The following SYT1 variants were observed in gnomAD, a reference collection of about 807,000 sequenced individuals.
SYT1 encodes synaptotagmin-1.
SYT1 carries 8 observed loss-of-function variants against 44.8 expected under a neutral mutation model. That is an observed-to-expected ratio of 0.18 (90% confidence interval 0.10 to 0.32). The LOEUF (loss-of-function observed/expected upper bound fraction) is 0.32, where lower values mean the gene tolerates loss of function less well. Among genes scored for constraint, SYT1 ranks in the 10% least tolerant of loss-of-function variants. The pLI, the probability that SYT1 is intolerant of heterozygous loss-of-function variation, is 1.00. For synonymous variants in SYT1, 154 were observed against 188.8 expected (o/e 0.82, Z 1.51); for missense variants, 286 against 509.3 (o/e 0.56, Z 4.22).
At chr12:78,999,830 A>G (rs1870616152) in intron 2 of SYT1, among the ~76,000 whole-genome samples, 1 of 152,176 alleles carries the variant, frequency 6.6e-6, no homozygotes, top group Non-Finnish European at 1.5e-5. Flanking sequence ...TAACTTCAAT[A>G]TGATGTGATT....
intron 4 of SYT1, among the ~76,000 whole-genome samples, chr12:79,274,305 G>C (rs1282741150): frequency 2.0e-5 from 3 of 152,140 alleles, no homozygotes; most frequent in Non-Finnish European, 2.9e-5. Context: ...TCCTGGGTCA[G>C]TTTTGTATTC....
chr12:79,043,029 G>A (rs1873714765), intron 2 of SYT1, among the ~76,000 whole-genome samples: 1 of 146,080 alleles, frequency 6.8e-6, no homozygotes, highest in Non-Finnish European at 1.5e-5. Flanking sequence ...ATTTGCTGAG[G>A]AGAGCTTTAC....
rs1376469582 is a variant in SYT1, at chr12:78,929,407, CCCAAAAAA to C, written c.-216-48391_-216-48384del. ...CCTGGGTGACAGAGAGAGACTCCGT[CCCAAAAAA>C]AAAAAAAAAAAAAAAAAAAAAAAAA... is the stretch of plus-strand genomic sequence containing the variant. On this transcript the variant is annotated intron_variant, in intron 1 of 10. Coordinates refer to ENST00000261205, the MANE Select transcript of SYT1 (RefSeq NM_005639.3). Among the ~76,000 whole-genome samples the C allele has an allele frequency of 6.7e-3, 99 of 14,668 alleles. 8 individuals carry two copies. The highest frequency in any genetic ancestry group is 9.1e-3 in the African/African-American group (65 of 7,152). 9.6% of individuals were successfully genotyped at this position (14,668 alleles called of 152,430 possible). A position where few individuals can be genotyped will look rare whatever the true frequency, so the allele number is the denominator to read the frequency against.
At chr12:79,423,449 A>G (rs1391014570) in intron 9 of SYT1, among the ~76,000 whole-genome samples, 3 of 152,144 alleles carry the variant, frequency 2.0e-5, no homozygotes, top group Non-Finnish European at 4.4e-5. Context: ...GTCTGCAAGT[A>G]TAAGACAGCT....
At chr12:78,930,400 A>G (rs1379682275) in intron 1 of SYT1, among the ~76,000 whole-genome samples, 1 of 152,050 alleles carries the variant, frequency 6.6e-6, no homozygotes, top group African/African-American at 2.4e-5. Flanking sequence ...TTTTCAATCA[A>G]AGTAAAATAG....
chr12:78,998,738 C>G (rs989340103), intron 2 of SYT1, among the ~76,000 whole-genome samples: 3 of 152,136 alleles, frequency 2.0e-5, no homozygotes, highest in African/African-American at 7.2e-5. Flanking sequence ...ACTTTCTCTG[C>G]AAACTTGGAG....
intron 3 of SYT1, among the ~76,000 whole-genome samples, chr12:79,071,697 C>T (rs1431006248): frequency 6.6e-6 from 1 of 152,110 alleles, no homozygotes. Flanking sequence ...GCCCCAGGCA[C>T]TTCTTAACTG....
At chr12:79,223,447 C>CTG (rs1875296426) in intron 4 of SYT1, among the ~76,000 whole-genome samples, 1 of 152,120 alleles carries the variant, frequency 6.6e-6, no homozygotes, top group Non-Finnish European at 1.5e-5. Flanking sequence ...GCAGCTGAAG[C>CTG]CAGTGCAGTG....
chr12:78,970,013 A>G (rs1373448943), intron 1 of SYT1, among the ~76,000 whole-genome samples: 1 of 152,186 alleles, frequency 6.6e-6, no homozygotes, highest in Admixed American at 6.6e-5. Flanking sequence ...TTTCAGATGA[A>G]GGGGAAGTAG....
chr12:79,308,960 T>A (rs1037948759), intron 8 of SYT1, among the ~76,000 whole-genome samples: 2 of 152,226 alleles, frequency 1.3e-5, no homozygotes, highest in African/African-American at 4.8e-5. Context: ...AGCTATTACA[T>A]GGCAAACCTA....
intron 3 of SYT1, among the ~76,000 whole-genome samples, chr12:79,124,266 A>T (rs1366178283): frequency 6.6e-6 from 1 of 152,166 alleles, no homozygotes; most frequent in Admixed American, 6.5e-5. Flanking sequence ...AACATGATGT[A>T]ATTGGAAGAA....
intron 1 of SYT1, among the ~76,000 whole-genome samples, chr12:78,947,948 A>G (rs116152217): frequency 7.2e-5 from 11 of 152,082 alleles, no homozygotes; most frequent in African/African-American, 2.6e-4. Context: ...GCCCACTAAC[A>G]TTCTAAAATA....
At chr12:79,285,172 T>G (rs1879247906) in intron 4 of SYT1, among the ~76,000 whole-genome samples, 1 of 152,194 alleles carries the variant, frequency 6.6e-6, no homozygotes, top group Non-Finnish European at 1.5e-5. Context: ...TAATTAACCT[T>G]CACTATTGTT....
chr12:78,920,987 T>C (rs1389813604), intron 1 of SYT1, among the ~76,000 whole-genome samples: 1 of 151,964 alleles, frequency 6.6e-6, no homozygotes, highest in Admixed American at 6.6e-5. Context: ...TTATCTATTT[T>C]CTTCTCTGCA....
chr12:78,950,339 C>T (rs1188729782), intron 1 of SYT1, among the ~76,000 whole-genome samples: 1 of 151,872 alleles, frequency 6.6e-6, no homozygotes. Flanking sequence ...CTTTTTAATA[C>T]AGTAATATAA....
Position 79,052,034 on chromosome 12 carries a change from C to A in SYT1, c.-18+4672C>A, listed in dbSNP as rs1013193499. Among the ~76,000 whole-genome samples, 4 of 152,086 alleles carry A rather than the reference C, an allele frequency of 2.6e-5. No individual in the cohort carries two copies. The Middle Eastern group carries it at 0.01, about 388-fold the overall frequency. On this transcript the variant is annotated intron_variant, in intron 3 of 10. Coordinates refer to ENST00000261205, the MANE Select transcript of SYT1 (RefSeq NM_005639.3). ...AGGCTCTTTTTTGGTTCCATATGAA[C>A]TTTAAAATAGTTTTTTCCAATTCTG...
intron 3 of SYT1, among the ~76,000 whole-genome samples, chr12:79,106,519 C>G (rs1054871170): frequency 2.8e-5 from 4 of 143,260 alleles, no homozygotes; most frequent in Admixed American, 7.0e-5. Flanking sequence ...TTTTTTTGCT[C>G]ATAATGAAAA....
intron 3 of SYT1, among the ~76,000 whole-genome samples, chr12:79,144,328 A>G (rs182146553): frequency 6.6e-6 from 1 of 152,328 alleles, no homozygotes; most frequent in East Asian, 1.9e-4. Context: ...TTTAAAATAT[A>G]ATAGAGAACA....
intron 8 of SYT1, among the ~76,000 whole-genome samples, chr12:79,302,049 C>A (rs1880178704): frequency 6.6e-6 from 1 of 152,092 alleles, no homozygotes; most frequent in South Asian, 2.1e-4. Context: ...CTTTTCATGC[C>A]ACTGTCCATT....
Sources: allele counts gnomAD v4.1 joint callset (sites outside exome capture counted in the v4.1 genomes callset), GRCh38; gene constraint gnomAD v4.1.1; transcripts MANE v1.5; gene names NCBI Gene and HGNC (gene_info 2026-07-23, HGNC 2026-07-21).